SLC25A12: variants seen among roughly 807,000 people sequenced by gnomAD.
SLC25A12 encodes solute carrier family 25 member 12.
A neutral mutation model predicts 83.3 loss-of-function variants in SLC25A12; 32 were observed. That is an observed-to-expected ratio of 0.38 (90% CI 0.29 to 0.52). The LOEUF is 0.52. SLC25A12 is among the 20% of genes least tolerant of loss of function. The pLI, the probability that SLC25A12 is intolerant of heterozygous loss-of-function variation, is 0.84. For synonymous variants in SLC25A12, 267 were observed against 291.1 expected (o/e 0.92, Z 0.84); for missense variants, 611 against 835.6 (o/e 0.73, Z 3.31).
chr2:171,876,024 TTAAAAC>T (rs1408073351), intron 2 of SLC25A12, among the ~76,000 whole-genome samples: 3 of 152,126 alleles, frequency 2.0e-5, no homozygotes, highest in Admixed American at 2.0e-4. Context: ...ATTCTTGACT[TTAAAAC>T]TATCAGGAAA....
chr2:171,854,583 A>G (rs1685008434), intron 4 of SLC25A12, among the ~76,000 whole-genome samples: 1 of 152,182 alleles, frequency 6.6e-6, no homozygotes, highest in African/African-American at 2.4e-5. Context: ...AAACAAAACA[A>G]AAAACTCTGC....
intron 13 of SLC25A12, among the ~76,000 whole-genome samples, chr2:171,805,618 A>C (rs1001076312): frequency 6.6e-6 from 1 of 152,252 alleles, no homozygotes; most frequent in Non-Finnish European, 1.5e-5. Context: ...GTTGGGAACA[A>C]TAATGAGATA....
intron 13 of SLC25A12, among the ~76,000 whole-genome samples, chr2:171,804,926 G>A (rs1683791369): frequency 6.6e-6 from 1 of 152,204 alleles, no homozygotes; most frequent in Non-Finnish European, 1.5e-5. Context: ...TGGGAAGATT[G>A]AGAAGTGATA....
intron 3 of SLC25A12, among the ~76,000 whole-genome samples, chr2:171,862,063 AT>A (rs1287336676): frequency 2.0e-5 from 3 of 152,212 alleles, no homozygotes; most frequent in African/African-American, 7.2e-5. Flanking sequence ...ATTAATGTTA[AT>A]TTTATAATTT....
intron 2 of SLC25A12, among the ~76,000 whole-genome samples, chr2:171,886,644 G>A (rs1685826925): frequency 6.6e-6 from 1 of 151,816 alleles, no homozygotes; most frequent in Non-Finnish European, 1.5e-5. Flanking sequence ...CGAGTAGCTG[G>A]GACTACAGGC....
At chr2:171,844,247 T>C in intron 5 of SLC25A12, 122 bp downstream of exon 5, 1 of 1,045,928 alleles carries the variant, frequency 9.6e-7, no homozygotes, top group Non-Finnish European at 1.4e-6. Context: ...GAGGGGGAAA[T>C]TTAAAAAATA....
intron 2 of SLC25A12, among the ~76,000 whole-genome samples, chr2:171,884,633 G>A (rs1415963377): frequency 1.9e-4 from 29 of 151,848 alleles, no homozygotes; most frequent in Admixed American, 1.8e-3. Context: ...AATTTAGCCA[G>A]GTGTGGTGGT....
chr2:171,820,286 C>T (rs1245962883), intron 9 of SLC25A12, among the ~76,000 whole-genome samples: 2 of 152,074 alleles, frequency 1.3e-5, no homozygotes, highest in African/African-American at 4.8e-5. Context: ...AGCTTATATT[C>T]CATAGTTTTT....
At chr2:171,818,094 C>G (rs1684092523) in intron 9 of SLC25A12, among the ~76,000 whole-genome samples, 1 of 152,110 alleles carries the variant, frequency 6.6e-6, no homozygotes. Context: ...CACTTGTATT[C>G]AGGTATGTAA....
intron 2 of SLC25A12, among the ~76,000 whole-genome samples, chr2:171,876,825 G>A (rs1219995068): frequency 6.6e-6 from 1 of 152,140 alleles, no homozygotes; most frequent in Non-Finnish European, 1.5e-5. Flanking sequence ...AGTAACTTTA[G>A]AGTTTATCAT....
intron 9 of SLC25A12, among the ~76,000 whole-genome samples, chr2:171,825,736 C>T (rs761549835): frequency 6.6e-6 from 1 of 152,300 alleles, no homozygotes; most frequent in East Asian, 1.9e-4. Flanking sequence ...CCTCCTAACC[C>T]TTACCCACAC....
chr2:171,793,105 A>G (rs2105839399), intron 14 of SLC25A12, among the ~76,000 whole-genome samples: 1 of 151,664 alleles, frequency 6.6e-6, no homozygotes, highest in South Asian at 2.1e-4. Context: ...AAAGTACAGT[A>G]CACTCTGTTG....
intron 13 of SLC25A12, among the ~76,000 whole-genome samples, chr2:171,794,588 G>T (rs1443935023): frequency 8.1e-6 from 1 of 123,220 alleles, no homozygotes. Flanking sequence ...TTAACTAGTA[G>T]AGAAAAAAAA....
chr2:171,819,414 A>G (rs1316722245), intron 9 of SLC25A12, among the ~76,000 whole-genome samples: 4 of 38,114 alleles, frequency 1.0e-4, no homozygotes, highest in Non-Finnish European at 3.1e-4. Context: ...ATAAGTATAT[A>G]ATTATGTTAT....
intron 1 of SLC25A12, among the ~76,000 whole-genome samples, chr2:171,893,890 A>C (rs952472053): frequency 1.3e-5 from 2 of 151,252 alleles, no homozygotes; most frequent in Non-Finnish European, 2.9e-5. Context: ...TTCCTCCCAC[A>C]CCCTTTCTGA....
At chr2:171,854,457 T>C (rs145948659) in intron 4 of SLC25A12, among the ~76,000 whole-genome samples, 173 of 152,002 alleles carry the variant, frequency 1.1e-3, no homozygotes, top group Middle Eastern at 3.4e-3. Context: ...ATCCCAGCTA[T>C]TCGGGAGGCT....
At chr2:171,858,437 A>G (rs573948827) in intron 3 of SLC25A12, among the ~76,000 whole-genome samples, 1 of 152,348 alleles carries the variant, frequency 6.6e-6, no homozygotes, top group African/African-American at 2.4e-5. Flanking sequence ...CAAGACATAA[A>G]AAATACACCT....
At chr2:171,880,069 A>G (rs1685658465) in intron 2 of SLC25A12, among the ~76,000 whole-genome samples, 2 of 152,166 alleles carry the variant, frequency 1.3e-5, no homozygotes, top group South Asian at 4.1e-4. Context: ...ATACTGAACT[A>G]TTTATGGATA....
intron 13 of SLC25A12, among the ~76,000 whole-genome samples, chr2:171,807,377 T>C (rs890956693): frequency 6.6e-6 from 1 of 152,118 alleles, no homozygotes; most frequent in Non-Finnish European, 1.5e-5. Context: ...TTCCTAAAGT[T>C]CAAACCTATA....
Sources: gnomAD v4.1 joint callset for allele counts (sites outside exome capture counted in the v4.1 genomes callset) on GRCh38, gnomAD v4.1.1 for gene constraint, MANE v1.5 for transcripts, NCBI Gene and HGNC (gene_info 2026-07-23, HGNC 2026-07-21) for gene names.